The following MALT1 variants were observed in gnomAD, a reference collection of about 807,000 sequenced individuals.
The protein encoded by MALT1 is mucosa-associated lymphoid tissue lymphoma translocation protein 1.
Under a neutral mutation model 85.5 loss-of-function variants are expected in MALT1, and 36 were observed. That is an observed-to-expected ratio of 0.42 (90% confidence interval 0.32 to 0.56). The LOEUF (loss-of-function observed/expected upper bound fraction) is 0.56, where lower values mean the gene tolerates loss of function less well. MALT1 is among the 20% of genes least tolerant of loss of function. MALT1 has a pLI of 0.10. For synonymous variants in MALT1, 359 were observed against 361.3 expected, an observed-to-expected ratio of 0.99 and a Z score of 0.07; for missense variants, 716 against 981.6, an observed-to-expected ratio of 0.73 and a Z score of 3.62.
Position 58,700,534 on chromosome 18 carries a change from T to G in MALT1, c.592T>G (p.Phe198Val). 1.2e-6 allele frequency: 2 copies of G among 1,613,162 alleles called. No homozygotes were observed. The highest frequency in any genetic ancestry group is 1.7e-6 in the Non-Finnish European group (2 of 1,179,700). Residue 198 changes from phenylalanine (F) to valine (V), a missense_variant, in exon 4 of 17, where the codon TTT (phenylalanine) becomes GTT (valine). This residue lies in a region of MALT1 where 290 missense variants were observed against 380.5 expected (regional missense o/e 0.76). Coordinates refer to ENST00000649217, the MANE Select transcript of MALT1 (RefSeq NM_006785.4). ...YVCRVNNNFTFEFSQWSQLDV... is the reference protein window; with the variant it reads ...YVCRVNNNFTVEFSQWSQLDV... ...CTGTCGAGTTAATAACAATTTCACC[T>G]TTGAATTCAGCCAGTGGTCACAGCT...
chr18:58,728,809 G>A (rs77154701), intron 10 of MALT1, among the ~76,000 whole-genome samples: 1 of 152,066 alleles, frequency 6.6e-6, no homozygotes, highest in African/African-American at 2.4e-5. Flanking sequence ...CTGGGCATGT[G>A]GCATTAATGT....
At chr18:58,676,030 C>G (rs1200381897) in intron 1 of MALT1, among the ~76,000 whole-genome samples, 2 of 152,176 alleles carry the variant, frequency 1.3e-5, no homozygotes, top group East Asian at 3.8e-4. Context: ...ATCCTTCCTG[C>G]TGTACCTTCA....
At chr18:58,724,176 C>G (rs768309833) in intron 10 of MALT1, among the ~76,000 whole-genome samples, 26 of 152,026 alleles carry the variant, frequency 1.7e-4, no homozygotes, top group Non-Finnish European at 3.1e-4. Flanking sequence ...TATGATAAGG[C>G]AAGTTTGGTC....
At chr18:58,743,816 T>C (rs771261041) in intron 14 of MALT1, among the ~76,000 whole-genome samples, 9 of 152,230 alleles carry the variant, frequency 5.9e-5, no homozygotes, top group Non-Finnish European at 1.2e-4. Context: ...GTTTTGGACA[T>C]GTTATGCTGA....
rs1385881746 is a variant in MALT1 at position 58,754,242 on chromosome 18, A to G, written c.*6400A>G. ...CTGCTGCTGCTTATACCGTAACGGGAAAAGTACACAACAGTGTCTTAATAT... is the reference window on the plus strand; with the variant it reads ...CTGCTGCTGCTTATACCGTAACGGGGAAAGTACACAACAGTGTCTTAATAT... On this transcript the variant is annotated 3_prime_UTR_variant, in exon 17 of 17. Transcript: ENST00000649217. 6.6e-6 allele frequency: 1 copy of G among 152,224 alleles called. No homozygotes were observed. The highest frequency in any genetic ancestry group is 2.4e-5 in the African/African-American group (1 of 41,456). 9.4% of individuals were successfully genotyped at this position (152,224 alleles called of 1,614,324 possible). A position where few individuals can be genotyped will look rare whatever the true frequency, so the allele number is the denominator to read the frequency against.
At chr18:58,677,328 A>G (rs575490051) in intron 1 of MALT1, among the ~76,000 whole-genome samples, 1 of 152,186 alleles carries the variant, frequency 6.6e-6, no homozygotes, top group African/African-American at 2.4e-5. Context: ...CTATATCAAT[A>G]TAGACATTAA....
intron 3 of MALT1, among the ~76,000 whole-genome samples, 199 bp downstream of exon 3, chr18:58,696,686 A>G (rs142876332): frequency 6.6e-6 from 1 of 152,320 alleles, no homozygotes; most frequent in East Asian, 1.9e-4. Context: ...ATTGTAAACA[A>G]TAATGAAATT....
chr18:58,686,340 TG>T (rs1267717441), intron 2 of MALT1, among the ~76,000 whole-genome samples: 1 of 152,234 alleles, frequency 6.6e-6, no homozygotes, highest in East Asian at 1.9e-4. Context: ...TTGTTTCTTT[TG>T]TTTTAAGTGA....
intron 2 of MALT1, among the ~76,000 whole-genome samples, chr18:58,689,258 T>TAAAA (rs11421834): frequency 6.9e-6 from 1 of 143,970 alleles, no homozygotes; most frequent in Non-Finnish European, 1.5e-5. Flanking sequence ...TTTTACAATG[T>TAAAA]AAAAAAAAAA....
intron 1 of MALT1, 23 bp from the exon 2 acceptor site, chr18:58,681,147 T>C: frequency 2.5e-6 from 4 of 1,609,882 alleles, no homozygotes; most frequent in Non-Finnish European, 3.4e-6. Context: ...GCTGTTGACT[T>C]GAATTCTTTC....
In MALT1 at chr18:58,729,726, C is replaced by G. The variant is rs569721690; in HGVS notation, c.1223-3671C>G. Among the ~76,000 whole-genome samples the G allele has an allele frequency of 4.6e-5, 7 of 152,250 alleles. No individual in the cohort carries two copies. The South Asian group carries it at 1.4e-3, about 32-fold the overall frequency. On this transcript the variant is annotated intron_variant, in intron 10 of 16. Transcript: ENST00000649217. ...AGAAAATGTTATACAGGTTGAATAT[C>G]TCTAATCTGAAAATCCCAAATCCAA...
intron 4 of MALT1, among the ~76,000 whole-genome samples, chr18:58,702,113 C>A (rs933506770): frequency 2.6e-5 from 4 of 151,542 alleles, no homozygotes; most frequent in African/African-American, 9.7e-5. Flanking sequence ...ACCTGTAATC[C>A]CAGTACTTTG....
At chr18:58,683,101 G>C (rs974091486) in intron 2 of MALT1, among the ~76,000 whole-genome samples, 4 of 152,048 alleles carry the variant, frequency 2.6e-5, no homozygotes, top group East Asian at 1.9e-4. Context: ...TTATATTGCT[G>C]GTGCTTGAAG....
intron 2 of MALT1, among the ~76,000 whole-genome samples, chr18:58,687,416 A>G (rs1026659101): frequency 5.9e-5 from 9 of 152,300 alleles, no homozygotes; most frequent in Non-Finnish European, 1.0e-4. Flanking sequence ...TAAGAGAAAC[A>G]TATGTGGACA....
intron 4 of MALT1, among the ~76,000 whole-genome samples, chr18:58,705,289 C>CGT (rs59890170): frequency 0.069 from 10,086 of 146,926 alleles, 393 homozygotes; most frequent in South Asian, 0.16. Context: ...TGTAAAAGTA[C>CGT]GTGTGTGTGT....
chr18:58,689,136 A>T (rs1388859140), intron 2 of MALT1, among the ~76,000 whole-genome samples: 1 of 151,620 alleles, frequency 6.6e-6, no homozygotes, highest in Non-Finnish European at 1.5e-5. Context: ...TGGGTGACAG[A>T]GTGAGACCCT....
At chr18:58,673,916 A>T (rs1568118438) in intron 1 of MALT1, 1 of 150,342 alleles carries the variant, frequency 6.7e-6, no homozygotes, top group Non-Finnish European at 1.5e-5. Context: ...CTGTTCTAGG[A>T]AAAACACGTT....
At chr18:58,711,876 A>C (rs2054835932) in intron 7 of MALT1, among the ~76,000 whole-genome samples, 1 of 152,206 alleles carries the variant, frequency 6.6e-6, no homozygotes, top group African/African-American at 2.4e-5. Context: ...AGAGAGTTCT[A>C]ATCCCATGAT....
At chr18:58,719,200 C>T (rs79257774) in intron 9 of MALT1, among the ~76,000 whole-genome samples, 8,150 of 152,208 alleles carry the variant, frequency 0.054, 351 homozygotes, top group East Asian at 0.22. Flanking sequence ...TGGGGTCTCT[C>T]ATGCAACTGC....
Sources: allele counts gnomAD v4.1 joint callset (sites outside exome capture counted in the v4.1 genomes callset), GRCh38; gene constraint gnomAD v4.1.1; regional missense constraint gnomAD v4.1.1; transcripts MANE v1.5; gene names NCBI Gene and HGNC (gene_info 2026-07-23, HGNC 2026-07-21).